Variants in PTPN7 observed in about 807,000 individuals in gnomAD.
The protein encoded by PTPN7 is tyrosine-protein phosphatase non-receptor type 7.
Under a neutral mutation model 50.3 loss-of-function variants are expected in PTPN7, and 33 were observed. The observed-to-expected ratio is 0.66, with a 90% CI of 0.50 to 0.88. PTPN7 has a LOEUF of 0.88. PTPN7 is among the 40% of genes least tolerant of loss of function. The pLI, the probability that PTPN7 is intolerant of heterozygous loss-of-function variation, is 0.00. For missense variants in PTPN7, 412 were observed against 475.4 expected (o/e 0.87, Z 1.24); for synonymous variants, 185 against 186.6 (o/e 0.99, Z 0.07).
At chr1:202,148,721 C>A (rs773664724) in intron 9 of PTPN7, 22 bp from the exon 10 acceptor site, 1 of 1,607,474 alleles carries the variant, frequency 6.2e-7, no homozygotes, top group South Asian at 1.1e-5. Context: ...AACACACAGA[C>A]CATGAGTGAA....
intron 4 of PTPN7, 148 bp downstream of exon 4, chr1:202,157,591 C>A (rs765167334): frequency 8.9e-6 from 6 of 672,356 alleles, no homozygotes; most frequent in Admixed American, 2.9e-5. Flanking sequence ...TGTTGTGATT[C>A]TTGCTCCTTC....
upstream of PTPN7, chr1:202,160,803 A>T: frequency 6.5e-7 from 1 of 1,541,262 alleles, no homozygotes; most frequent in Non-Finnish European, 8.8e-7. The surrounding 1 kb of genome is among the most constrained non-coding windows in gnomAD (Gnocchi z 4.8). Flanking sequence ...GGCCTTCCCG[A>T]CCATCCTGCT....
chr1:202,147,395 C>G lies in PTPN7; in HGVS notation c.*1211G>C, dbSNP rs1341268422. On this transcript the variant is annotated 3_prime_UTR_variant, in exon 10 of 10. Transcript: ENST00000691036. ...TGAGTGAGGAGGCCCAGCTGTTCTC[C>G]AGATCCAACTCCTCGGGGGTTTCCA... is the stretch of plus-strand genomic sequence containing the variant. The G allele has an allele frequency of 6.6e-6, 1 of 152,146 alleles. No individual in the cohort carries two copies. Among genetic ancestry groups the G allele is most frequent in the Admixed American group, 6.5e-5 (1 of 15,268 alleles). The allele number at this position is 152,146 out of a possible 1,614,324, so 9.4% of individuals were successfully genotyped here.
In PTPN7 at chr1:202,160,494, T is replaced by C. The variant is rs1657255096; in HGVS notation, c.-53+51A>G. ...GAGATGCCCTCTTATATCCCCGGAG[T>C]TCGCACCCCCCGGGGCCACAGGACT... On this transcript the variant is annotated intron_variant, in intron 1 of 9. Coordinates refer to ENST00000691036, the MANE Select transcript of PTPN7 (RefSeq NM_002832.4). The surrounding 1 kb of genome is among the most constrained non-coding windows in gnomAD (Gnocchi z 4.8). 1.3e-6 allele frequency: 2 copies of C among 1,496,164 alleles called. No individual in the cohort carries two copies. The highest frequency in any genetic ancestry group is 2.8e-5 in the African/African-American group (2 of 71,926). The allele number at this position is 1,496,164 out of a possible 1,614,324, so 92.7% of individuals were successfully genotyped here.
At chr1:202,160,836 C>A (rs1156331108), upstream of PTPN7, 2 of 1,518,264 alleles carry the variant, frequency 1.3e-6, no homozygotes, top group Non-Finnish European at 8.8e-7. The surrounding 1 kb of genome is among the most constrained non-coding windows in gnomAD (Gnocchi z 4.8). Context: ...CAGACCCTCT[C>A]CCCTCTTCTG....
At chr1:202,156,066 G>T (rs1656622723) in intron 4 of PTPN7, among the ~76,000 whole-genome samples, 2 of 152,168 alleles carry the variant, frequency 1.3e-5, no homozygotes, top group Non-Finnish European at 2.9e-5. Flanking sequence ...GAGCCACCAT[G>T]TCTGGCCCCT....
intron 8 of PTPN7, among the ~76,000 whole-genome samples, chr1:202,150,707 C>T (rs768328362): frequency 1.3e-5 from 2 of 152,148 alleles, no homozygotes; most frequent in Non-Finnish European, 2.9e-5. Context: ...TGACGATCTC[C>T]CTTCTGCTGA....
rs1301120010 is a variant in PTPN7, at chr1:202,152,545, C to T, written c.872G>A (p.Cys291Tyr). The change falls in exon 8 of 10, where the codon TGC becomes TAC. Residue 291 changes from cysteine to tyrosine, a missense_variant. Coordinates refer to ENST00000691036, the MANE Select transcript of PTPN7 (RefSeq NM_002832.4). The stretch of plus-strand genomic sequence containing the variant: ...CAGTGAAGGGAGGGCCACGCACCTG[C>T]AGTGGACTACGATAGGCCCGGGGTG... ...AAHPGPIVVH[C>Y]SAGIGRTGCF... The T allele has an allele frequency of 6.2e-7, 1 of 1,612,212 alleles. No individual in the cohort carries two copies. Among genetic ancestry groups the T allele is most frequent in the Non-Finnish European group, 8.5e-7 (1 of 1,179,892 alleles).
rs1656300699 is a variant in PTPN7, at chr1:202,153,667, C to T, written c.717+58G>A. The T allele has an allele frequency of 1.3e-5, 18 of 1,404,018 alleles. No individual in the cohort carries two copies. The South Asian group carries it at 2.1e-4, about 16-fold the overall frequency. 87.0% of individuals were successfully genotyped at this position (1,404,018 alleles called of 1,614,324 possible). On this transcript the variant is annotated intron_variant, in intron 7 of 9. Coordinates refer to ENST00000691036, the MANE Select transcript of PTPN7 (RefSeq NM_002832.4). ...TCCTAGTGAAGAGCCAGCCTGAGTCCCAGAGATGCTGTGGGCGGCCCAACT... is the reference window on the plus strand; with the variant it reads ...TCCTAGTGAAGAGCCAGCCTGAGTCTCAGAGATGCTGTGGGCGGCCCAACT...
chr1:202,155,630 G>A, intron 4 of PTPN7, 21 bp from the exon 5 acceptor site: 1 of 1,526,360 alleles, frequency 6.6e-7, no homozygotes, highest in Non-Finnish European at 9.1e-7. Flanking sequence ...AAAATCAGCA[G>A]AGGTCAGAGG....
rs1655556809 is a variant in PTPN7 at position 202,148,437 on chromosome 1, C to A, written c.*169G>T. ...AGTGTTGAAGACCTGGAATCCGGCCCCTTGTCCTTACTGCTGCTGCTTCCT... is the reference window on the plus strand; with the variant it reads ...AGTGTTGAAGACCTGGAATCCGGCCACTTGTCCTTACTGCTGCTGCTTCCT... On this transcript the variant is annotated 3_prime_UTR_variant, in exon 10 of 10. Coordinates refer to ENST00000691036, the MANE Select transcript of PTPN7 (RefSeq NM_002832.4). 4 of 563,530 alleles carry A rather than the reference C, an allele frequency of 7.1e-6. No homozygotes were observed. Among genetic ancestry groups the A allele is most frequent in the Admixed American group, 6.4e-5 (2 of 31,228 alleles). 34.9% of individuals were successfully genotyped at this position (563,530 alleles called of 1,614,324 possible). A position where few individuals can be genotyped will look rare whatever the true frequency, so the allele number is the denominator to read the frequency against.
Position 202,155,614 on chromosome 1 carries a change from G to T in PTPN7, c.392-5C>A. ...GACAGACACGGCTCTGGGGATCTAG[G>T]AAATAAAAATCAGCAGAGGTCAGAG... is the stretch of plus-strand genomic sequence containing the variant. On this transcript the variant is annotated splice_polypyrimidine_tract_variant and splice_region_variant and intron_variant, in intron 4 of 9. Coordinates refer to ENST00000691036, the MANE Select transcript of PTPN7 (RefSeq NM_002832.4). 6.4e-7 allele frequency: 1 copy of T among 1,552,652 alleles called. No homozygotes were observed. Among genetic ancestry groups the T allele is most frequent in the Non-Finnish European group, 8.9e-7 (1 of 1,124,432 alleles).
chr1:202,150,328 G>T lies in PTPN7; in HGVS notation c.972C>A (p.Cys324Ter). ...RGEVDILGIV[C>*]QLRLDRGGMI... ...AGACCCACCTGTCTAGCCGCAGTTG[G>T]CACACAATACCCAGAATGTCCACTT... The change falls in exon 9 of 10, where the codon TGC (cysteine) becomes TGA (stop). Residue 324 changes from cysteine to a stop codon, truncating the protein, a stop_gained. Coordinates refer to ENST00000691036, the MANE Select transcript of PTPN7 (RefSeq NM_002832.4). LOFTEE classifies it high-confidence loss of function. 6.2e-7 allele frequency: 1 copy of T among 1,612,132 alleles called. No homozygotes were observed. Among genetic ancestry groups the T allele is most frequent in the Non-Finnish European group, 8.5e-7 (1 of 1,179,044 alleles).
At position 202,152,490 on chromosome 1, in the gene PTPN7, G is replaced by T. The variant is rs759477569; in HGVS notation, c.875+52C>A. ...CCCTTCCCCAGGAGAGACCCAGGGG[G>T]CAGGGGAGGGGAGCACAGTCCACAG... On this transcript the variant is annotated intron_variant, in intron 8 of 9. Coordinates refer to ENST00000691036, the MANE Select transcript of PTPN7 (RefSeq NM_002832.4). 6 of 1,581,728 alleles carry T rather than the reference G, an allele frequency of 3.8e-6. No individual in the cohort carries two copies. The African/African-American group carries it at 8.1e-5, about 21-fold the overall frequency.
At position 202,152,621 on chromosome 1, in the gene PTPN7, G is replaced by C. The variant is rs749173792; in HGVS notation, c.796C>G (p.Pro266Ala). Reference protein sequence around the residue: ...PDHQTPESAGPLLRLVAEVEE... With the variant: ...PDHQTPESAGALLRLVAEVEE... The stretch of plus-strand genomic sequence containing the variant: ...ACCTCTGCCACTAGGCGCAGCAGGG[G>C]CCCAGCTGATTCTGGTGTCTGATGG... Residue 266 changes from proline (P) to alanine (A), a missense_variant, in exon 8 of 10, where the codon CCC becomes GCC. Coordinates refer to ENST00000691036, the MANE Select transcript of PTPN7 (RefSeq NM_002832.4). 1.2e-6 allele frequency: 2 copies of C among 1,614,066 alleles called. No individual in the cohort carries two copies. Among genetic ancestry groups the C allele is most frequent in the South Asian group, 2.2e-5 (2 of 91,090 alleles).
intron 8 of PTPN7, 150 bp from the exon 9 acceptor site, chr1:202,150,574 C>A: frequency 1.6e-6 from 1 of 621,106 alleles, no homozygotes; most frequent in South Asian, 1.9e-5. Flanking sequence ...CAGTACTCTG[C>A]TTTCCAGTCC....
At position 202,159,246 on chromosome 1, in the gene PTPN7, G is replaced by T. The variant is rs1214478945; in HGVS notation, c.122+35C>A. ...AGGGAGGAGCGGAATGGGGGCTCAGGGCTCGGAAGACCCCTCCCCCAGGGA... is the reference window on the plus strand; with the variant it reads ...AGGGAGGAGCGGAATGGGGGCTCAGTGCTCGGAAGACCCCTCCCCCAGGGA... On this transcript the variant is annotated intron_variant, in intron 2 of 9. Coordinates refer to ENST00000691036, the MANE Select transcript of PTPN7 (RefSeq NM_002832.4). This position sits in a 1 kb window ranked among gnomAD's most constrained non-coding sequence, Gnocchi z 4.6. 6.3e-7 allele frequency: 1 copy of T among 1,599,596 alleles called. No individual in the cohort carries two copies. The highest frequency in any genetic ancestry group is 1.7e-5 in the Admixed American group (1 of 59,782).
At chr1:202,161,533 T>C, upstream of PTPN7, 1 of 1,289,090 alleles carries the variant, frequency 7.8e-7, no homozygotes, top group Non-Finnish European at 1.0e-6. Context: ...GGCAGGCTCC[T>C]TGCGGGCCAG....
chr1:202,156,057 A>G (rs1293519503), intron 4 of PTPN7, among the ~76,000 whole-genome samples: 3 of 152,166 alleles, frequency 2.0e-5, no homozygotes, highest in Non-Finnish European at 4.4e-5. Context: ...TACATGTGTG[A>G]GCCACCATGT....
Sources: allele counts gnomAD v4.1 joint callset (sites outside exome capture counted in the v4.1 genomes callset), GRCh38; gene constraint gnomAD v4.1.1; non-coding constraint Gnocchi (gnomAD v3.1); transcripts MANE v1.5; gene names NCBI Gene and HGNC (gene_info 2026-07-23, HGNC 2026-07-21).